BBS12: variants seen among roughly 807,000 people sequenced by gnomAD.
The protein encoded by BBS12 is chaperonin-containing T-complex member BBS12.
BBS12 carries 5 observed loss-of-function variants against 5.6 expected under a neutral mutation model. The observed-to-expected ratio is 0.89, with a 90% CI of 0.46 to 1.86. The LOEUF (loss-of-function observed/expected upper bound fraction) is 1.86, where lower values mean the gene tolerates loss of function less well. Ranked by LOEUF, BBS12 falls within the 40% of genes most tolerant of loss-of-function variation. The pLI, the probability that BBS12 is intolerant of heterozygous loss-of-function variation, is 0.01. For synonymous variants in BBS12, 308 were observed against 306.8 expected (o/e 1.00, Z -0.04); for missense variants, 748 against 830.4 (o/e 0.90, Z 1.22).
intron 1 of BBS12, among the ~76,000 whole-genome samples, chr4:122,739,872 T>G (rs1800840142): frequency 6.6e-6 from 1 of 152,236 alleles, no homozygotes; most frequent in African/African-American, 2.4e-5. Context: ...TAGAGAAATC[T>G]GGCAATAAAA....
chr4:122,714,233 G>A, the BBS12 span, among the ~76,000 whole-genome samples: 3 of 152,150 alleles, frequency 2.0e-5, no homozygotes, highest in East Asian at 3.8e-4. Flanking sequence ...CCACCTACAA[G>A]GCGGCAAAAG....
the BBS12 span, among the ~76,000 whole-genome samples, chr4:122,707,854 T>C: frequency 6.6e-6 from 1 of 152,134 alleles, no homozygotes; most frequent in East Asian, 1.9e-4. Flanking sequence ...TAGGAGAATT[T>C]GATCTTAGCT....
At position 122,743,488 on chromosome 4, in the gene BBS12, G is replaced by A. The variant is rs1477880509; in HGVS notation, c.1596G>A (p.Glu532=). 12 of 1,614,102 alleles carry A rather than the reference G, an allele frequency of 7.4e-6. No individual in the cohort carries two copies. The highest frequency in any genetic ancestry group is 1.6e-4 in the Middle Eastern group (1 of 6,084). Residue 532 remains glutamate (E), a synonymous_variant, in exon 2 of 2, where the codon GAG becomes GAA. Coordinates refer to ENST00000314218, the MANE Select transcript of BBS12 (RefSeq NM_152618.3). The stretch of plus-strand genomic sequence containing the variant: ...ATCGTTTGTATTATGCTCTAAAAGA[G>A]GAAAAGGTCTTCCTTGGAGGTGGTG... The part of the protein sequence containing the change: ...CAYRLYYALK[E]EKVFLGGGAV...
chr4:122,710,703 G>T, the BBS12 span, among the ~76,000 whole-genome samples: 5 of 146,728 alleles, frequency 3.4e-5, no homozygotes, highest in African/African-American at 1.2e-4. Context: ...GCATTTGTGC[G>T]TTTTTTTTTT....
the BBS12 span, among the ~76,000 whole-genome samples, chr4:122,727,447 T>C: frequency 5.9e-5 from 9 of 151,778 alleles, no homozygotes; most frequent in Middle Eastern, 3.4e-3. Context: ...GGTTTCACCA[T>C]GTTAGCCAGG....
At chr4:122,733,164 A>G (rs910681967) in intron 1 of BBS12, among the ~76,000 whole-genome samples, 1 of 152,118 alleles carries the variant, frequency 6.6e-6, no homozygotes, top group Non-Finnish European at 1.5e-5. Context: ...GGATTCTGGC[A>G]TGGTAGACAC....
At chr4:122,716,643 A>ACACG in the BBS12 span, among the ~76,000 whole-genome samples, 3 of 74,926 alleles carry the variant, frequency 4.0e-5, no homozygotes, top group East Asian at 7.2e-4. Context: ...GTATATACAC[A>ACACG]CGTGTGTGTA....
At chr4:122,701,203 T>C in the BBS12 span, among the ~76,000 whole-genome samples, 7 of 152,246 alleles carry the variant, frequency 4.6e-5, no homozygotes, top group Non-Finnish European at 1.0e-4. Flanking sequence ...TCTTTCATCC[T>C]AGTCATTTCT....
At chr4:122,709,980 A>G in the BBS12 span, among the ~76,000 whole-genome samples, 6 of 152,244 alleles carry the variant, frequency 3.9e-5, no homozygotes, top group East Asian at 5.8e-4. Context: ...AAACTCTCAG[A>G]TCCTTTTTAC....
the BBS12 span, among the ~76,000 whole-genome samples, chr4:122,719,613 C>T: frequency 6.6e-6 from 1 of 152,066 alleles, no homozygotes; most frequent in Non-Finnish European, 1.5e-5. Flanking sequence ...AGAAGGTCTG[C>T]GGCGTCACTC....
In BBS12 at chr4:122,742,573, A is replaced by G. The variant is rs2150736417; in HGVS notation, c.681A>G (p.Arg227=). ...KNSLLADTCC[R]QSILIHSRHF... is the part of the protein sequence containing the mutation. ...GCCTGCTTGCAGATACCTGCTGCAG[A>G]CAGTCAATACTAATCCACAGTAGGC... Residue 227 remains arginine (R), a synonymous_variant, in exon 2 of 2, where the codon AGA becomes AGG. Coordinates refer to ENST00000314218, the MANE Select transcript of BBS12 (RefSeq NM_152618.3). 1 of 1,614,266 alleles carries G rather than the reference A, an allele frequency of 6.2e-7. No homozygotes were observed. The highest frequency in any genetic ancestry group is 8.5e-7 in the Non-Finnish European group (1 of 1,180,048).
chr4:122,705,334 C>T, the BBS12 span, among the ~76,000 whole-genome samples: 7 of 152,086 alleles, frequency 4.6e-5, no homozygotes, highest in South Asian at 2.1e-4. Flanking sequence ...AGGCCAGGTG[C>T]GGTGGCTCAT....
the BBS12 span, among the ~76,000 whole-genome samples, chr4:122,725,236 A>C: frequency 0.46 from 70,111 of 152,010 alleles, 18,095 homozygotes; most frequent in African/African-American, 0.69. Flanking sequence ...ATACCACCAT[A>C]ATTCTTCACA....
At chr4:122,701,055 C>T in the BBS12 span, among the ~76,000 whole-genome samples, 2 of 152,166 alleles carry the variant, frequency 1.3e-5, no homozygotes, top group Admixed American at 6.5e-5. Context: ...TAAAACCCTA[C>T]TCAGTTTAGA....
the BBS12 span, among the ~76,000 whole-genome samples, chr4:122,710,346 A>C: frequency 6.6e-6 from 1 of 152,376 alleles, no homozygotes; most frequent in African/African-American, 2.4e-5. Flanking sequence ...GATCTAAGGC[A>C]GGAGAAACTG....
At chr4:122,726,904 G>A in the BBS12 span, among the ~76,000 whole-genome samples, 157 of 152,306 alleles carry the variant, frequency 1.0e-3, 1 homozygote, top group Middle Eastern at 6.8e-3. Flanking sequence ...GCTAAGCTAT[G>A]AGGATGCAAA....
chr4:122,733,543 C>T (rs886736606), intron 1 of BBS12, among the ~76,000 whole-genome samples: 3 of 152,116 alleles, frequency 2.0e-5, no homozygotes, highest in Non-Finnish European at 4.4e-5. Flanking sequence ...CAGTAACGGC[C>T]TAGATTTAGA....
the BBS12 span, among the ~76,000 whole-genome samples, chr4:122,706,630 A>C: frequency 6.6e-6 from 1 of 152,132 alleles, no homozygotes; most frequent in Admixed American, 6.5e-5. Flanking sequence ...CTTTGGGAAA[A>C]ATTTTTCCTA....
At chr4:122,714,056 T>C in the BBS12 span, among the ~76,000 whole-genome samples, 69,620 of 152,116 alleles carry the variant, frequency 0.46, 17,790 homozygotes, top group African/African-American at 0.67. Flanking sequence ...ATGTTAAAGC[T>C]TTAACCTTCA....
Sources: gnomAD v4.1 joint callset for allele counts (sites outside exome capture counted in the v4.1 genomes callset) on GRCh38, gnomAD v4.1.1 for gene constraint, MANE v1.5 for transcripts, NCBI Gene and HGNC (gene_info 2026-07-23, HGNC 2026-07-21) for gene names.